Variants in CPM observed in about 807,000 individuals in gnomAD.
CPM encodes the protein renal carboxypeptidase.
CPM carries 35 observed loss-of-function variants against 46.4 expected under a neutral mutation model. The ratio of observed to expected loss-of-function variants is 0.75; its 90% CI spans 0.58 to 1.00. The LOEUF (loss-of-function observed/expected upper bound fraction) is 1.00. Among genes scored for constraint, CPM ranks in the 50% least tolerant of loss-of-function variants. CPM has a pLI of 0.00. For synonymous variants in CPM, 195 were observed against 195.3 expected (o/e 1.00, Z 0.01); for missense variants, 422 against 530.4 (o/e 0.80, Z 2.01).
chr12:68,930,401 C>T (rs1195058068), intron 2 of CPM, among the ~76,000 whole-genome samples: 1 of 152,128 alleles, frequency 6.6e-6, no homozygotes, highest in African/African-American at 2.4e-5. Flanking sequence ...GTTTTCTAAG[C>T]AAACTTATCT....
chr12:68,914,630 T>A (rs1236268233), intron 2 of CPM, among the ~76,000 whole-genome samples: 3 of 152,238 alleles, frequency 2.0e-5, no homozygotes, highest in African/African-American at 4.8e-5. Flanking sequence ...TTCTTTACAT[T>A]CTGAACAATT....
chr12:68,937,925 G>A (rs556019633), upstream of CPM, among the ~76,000 whole-genome samples: 1 of 152,268 alleles, frequency 6.6e-6, no homozygotes, highest in African/African-American at 2.4e-5. Flanking sequence ...ATGAAAACAG[G>A]ATCAAAATAT....
At chr12:68,878,486 C>T (rs750391029) in intron 3 of CPM, among the ~76,000 whole-genome samples, 2 of 152,172 alleles carry the variant, frequency 1.3e-5, no homozygotes, top group African/African-American at 2.4e-5. Flanking sequence ...GATAAACTGG[C>T]TCATCTGGTC....
chr12:68,946,144 G>T (rs1261604506), intron 1 of CPM, among the ~76,000 whole-genome samples: 1 of 152,088 alleles, frequency 6.6e-6, no homozygotes, highest in Admixed American at 6.6e-5. Flanking sequence ...ACAGGTGTGA[G>T]CCACTGTGCC....
chr12:68,883,816 C>G (rs12427352), intron 3 of CPM, among the ~76,000 whole-genome samples: 75,863 of 151,264 alleles, frequency 0.5, 19,808 homozygotes, highest in Non-Finnish European at 0.58. Flanking sequence ...CATTCTGAGT[C>G]AGGCGCGGTG....
intron 2 of CPM, among the ~76,000 whole-genome samples, chr12:68,905,990 T>C (rs906609721): frequency 6.6e-6 from 1 of 152,172 alleles, no homozygotes; most frequent in African/African-American, 2.4e-5. Context: ...TTCTTGGCCT[T>C]GCTGCAAGAA....
At chr12:68,962,118 T>G (rs1435567270) in intron 1 of CPM, among the ~76,000 whole-genome samples, 2 of 149,296 alleles carry the variant, frequency 1.3e-5, no homozygotes, top group South Asian at 2.1e-4. Flanking sequence ...GAGAATGGCG[T>G]GAACCTGGGA....
rs1884824240 is a variant in CPM at position 68,853,606 on chromosome 12, T to G, written c.*2831A>C. Reference sequence around the variant, plus strand: ...CATGCCAGTATGTCTCATTTCTAGATCCCATAGAACTTTCAATTGAAAGTA... The same window carrying G: ...CATGCCAGTATGTCTCATTTCTAGAGCCCATAGAACTTTCAATTGAAAGTA... On this transcript the variant is annotated 3_prime_UTR_variant, in exon 9 of 9. Coordinates refer to ENST00000551568, the MANE Select transcript of CPM (RefSeq NM_198320.5). 2 of 152,166 alleles carry G rather than the reference T, an allele frequency of 1.3e-5. No homozygotes were observed. The highest frequency in any genetic ancestry group is 2.9e-5 in the Non-Finnish European group (2 of 68,036). The allele number at this position is 152,166 out of a possible 1,614,324, so 9.4% of individuals were successfully genotyped here.
At chr12:68,909,238 G>A (rs1252725814) in intron 2 of CPM, among the ~76,000 whole-genome samples, 2 of 152,112 alleles carry the variant, frequency 1.3e-5, no homozygotes, top group Non-Finnish European at 2.9e-5. Context: ...TTAGAGATGG[G>A]ATCTTGCTAT....
rs1643875680 is a variant in CPM, at chr12:68,843,987, C to T, written c.534-1658G>A. On this transcript the variant is annotated intron_variant, in intron 5 of 5. Coordinates refer to the CPM transcript ENST00000551897. Reference sequence around the variant, plus strand: ...TACTGAAGCTAGAACCAAGCAGAATCTGTTTTTTTCTGAGGAGTATCGGTA... The same window carrying T: ...TACTGAAGCTAGAACCAAGCAGAATTTGTTTTTTTCTGAGGAGTATCGGTA... 4 of 207,852 alleles carry T rather than the reference C, an allele frequency of 1.9e-5. No individual in the cohort carries two copies. The South Asian group carries it at 7.5e-4, about 39-fold the overall frequency. The allele number at this position is 207,852 out of a possible 1,614,324, so 12.9% of individuals were successfully genotyped here.
At chr12:68,890,757 G>A (rs545521426) in intron 2 of CPM, among the ~76,000 whole-genome samples, 187 of 152,308 alleles carry the variant, frequency 1.2e-3, no homozygotes, top group African/African-American at 4.1e-3. Context: ...CCACCCCACC[G>A]GGACATTCCA....
At chr12:68,934,664 G>GA (rs1041912479), upstream of CPM, among the ~76,000 whole-genome samples, 8 of 150,350 alleles carry the variant, frequency 5.3e-5, no homozygotes, top group African/African-American at 7.3e-5. Flanking sequence ...TATATATAAA[G>GA]AAAAAAAAAG....
intron 1 of CPM, among the ~76,000 whole-genome samples, chr12:68,962,025 C>G (rs963219556): frequency 6.6e-6 from 1 of 151,776 alleles, no homozygotes; most frequent in African/African-American, 2.4e-5. Context: ...GCGGTGAAAC[C>G]CTGTCTCCAC....
intron 2 of CPM, among the ~76,000 whole-genome samples, chr12:68,929,805 C>T (rs373820042): frequency 2.6e-5 from 4 of 151,844 alleles, no homozygotes; most frequent in Non-Finnish European, 2.9e-5. Flanking sequence ...TAAACAGCAA[C>T]GAATTCACAT....
chr12:68,861,357 A>T (rs1186001597), intron 7 of CPM, among the ~76,000 whole-genome samples: 3 of 152,184 alleles, frequency 2.0e-5, no homozygotes, highest in Non-Finnish European at 4.4e-5. Context: ...GCTAGTTTAC[A>T]GTCTTCATGC....
intron 2 of CPM, among the ~76,000 whole-genome samples, chr12:68,902,449 A>G (rs954972291): frequency 4.6e-5 from 7 of 152,218 alleles, no homozygotes; most frequent in African/African-American, 1.7e-4. Flanking sequence ...AACAATGATC[A>G]CTAATTGAGG....
At chr12:68,877,509 A>C (rs1239470348) in intron 3 of CPM, among the ~76,000 whole-genome samples, 1 of 152,216 alleles carries the variant, frequency 6.6e-6, no homozygotes, top group Non-Finnish European at 1.5e-5. Context: ...AACACATTTT[A>C]TAGAGGCACA....
chr12:68,842,206 TCAAA>T (rs1297415126), exon 6 of CPM: 4 of 500,150 alleles, frequency 8.0e-6, no homozygotes, highest in Non-Finnish European at 1.6e-5. Context: ...GTTGAAAAGA[TCAAA>T]CAAATGCCAA....
chr12:68,862,164 T>C (rs1885245051), intron 7 of CPM, among the ~76,000 whole-genome samples: 1 of 139,190 alleles, frequency 7.2e-6, no homozygotes, highest in Non-Finnish European at 1.6e-5. Context: ...ACAATTTGCA[T>C]TTGAAGAAAT....
Sources: gnomAD v4.1 joint callset for allele counts (sites outside exome capture counted in the v4.1 genomes callset) on GRCh38, gnomAD v4.1.1 for gene constraint, MANE v1.5 for transcripts, NCBI Gene and HGNC (gene_info 2026-07-23, HGNC 2026-07-21) for gene names.